Variants in DPYD observed in about 807,000 individuals in gnomAD.
The protein encoded by DPYD is dihydropyrimidine dehydrogenase [NADP(+)].
In DPYD, 109 loss-of-function variants were observed where a neutral mutation model predicts 116.2. The ratio of observed to expected loss-of-function variants is 0.94; its 90% confidence interval spans 0.80 to 1.10. The LOEUF is 1.10. Ranked by LOEUF, DPYD falls within the 50% of genes least tolerant of loss-of-function variation. The pLI is 0.00. For missense variants in DPYD, 1,302 were observed against 1,254.5 expected (o/e 1.04, Z -0.57); for synonymous variants, 440 against 432.0 (o/e 1.02, Z -0.23).
At chr1:97,173,317 C>T (rs376170185) in intron 20 of DPYD, among the ~76,000 whole-genome samples, 15 of 142,774 alleles carry the variant, frequency 1.1e-4, no homozygotes, top group Non-Finnish European at 1.8e-4. Flanking sequence ...TATATGCACA[C>T]ATATATACAC....
At chr1:97,138,563 T>C (rs1466703870) in intron 20 of DPYD, among the ~76,000 whole-genome samples, 1 of 152,180 alleles carries the variant, frequency 6.6e-6, no homozygotes, top group Non-Finnish European at 1.5e-5. Flanking sequence ...AGTTGTGTTG[T>C]GGGCTGCTTT....
intron 3 of DPYD, among the ~76,000 whole-genome samples, chr1:97,779,935 G>A (rs999094053): frequency 1.9e-4 from 29 of 151,962 alleles, no homozygotes; most frequent in African/African-American, 6.3e-4. Context: ...CATAAGTTGT[G>A]ACAAAAAATA....
intron 10 of DPYD, among the ~76,000 whole-genome samples, chr1:97,591,840 T>C (rs950249656): frequency 1.3e-5 from 2 of 151,360 alleles, no homozygotes; most frequent in Non-Finnish European, 2.9e-5. Context: ...TTTCTTTCTA[T>C]GTGTAAAAAA....
chr1:97,844,926 C>A (rs955073615), intron 2 of DPYD, among the ~76,000 whole-genome samples: 2 of 152,246 alleles, frequency 1.3e-5, no homozygotes, highest in African/African-American at 4.8e-5. Flanking sequence ...GGTGCTGTCG[C>A]AACCTGGCTG....
chr1:97,315,012 G>C lies in DPYD; in HGVS notation c.2059-8715C>G, dbSNP rs1036646035. On this transcript the variant is annotated intron_variant, in intron 16 of 22. Transcript: ENST00000370192. ...AGGGCTCAGACCCTGCATGGTAGAG[G>C]GGGCTCTGCAATTTAAAGGGTTAAC... is the stretch of plus-strand genomic sequence containing the variant. Among the ~76,000 whole-genome samples, 5 of 151,958 alleles carry C rather than the reference G, an allele frequency of 3.3e-5. No homozygotes were observed. In the South Asian group the frequency reaches 1.0e-3, roughly 31 times the overall value.
chr1:97,154,173 A>C (rs1350184314), intron 20 of DPYD, among the ~76,000 whole-genome samples: 1 of 152,206 alleles, frequency 6.6e-6, no homozygotes, highest in Non-Finnish European at 1.5e-5. Context: ...AGAAGTCATC[A>C]TACGAAAAAG....
chr1:97,583,377 TACATATGATG>T (rs1268169604), intron 10 of DPYD, among the ~76,000 whole-genome samples: 2 of 152,186 alleles, frequency 1.3e-5, no homozygotes, highest in African/African-American at 4.8e-5. Context: ...GCAGGTTAGT[TACATATGATG>T]ACGTTTTCTT....
chr1:97,204,416 T>C (rs1224634974), intron 19 of DPYD, among the ~76,000 whole-genome samples: 3 of 152,096 alleles, frequency 2.0e-5, no homozygotes, highest in Non-Finnish European at 4.4e-5. Flanking sequence ...GACAAACAAA[T>C]GCAATGTCCA....
At chr1:97,750,508 T>C (rs1372890018) in intron 3 of DPYD, among the ~76,000 whole-genome samples, 4 of 152,194 alleles carry the variant, frequency 2.6e-5, no homozygotes, top group Non-Finnish European at 4.4e-5. Flanking sequence ...AATAAGTAAG[T>C]ATAACTTACG....
intron 12 of DPYD, among the ~76,000 whole-genome samples, chr1:97,524,020 TA>T (rs546183481): frequency 7.9e-4 from 112 of 142,532 alleles, no homozygotes; most frequent in South Asian, 1.6e-3. Flanking sequence ...TATTTTAAAC[TA>T]AAAAAAAAAA....
At chr1:97,166,836 C>T (rs1322134442) in intron 20 of DPYD, among the ~76,000 whole-genome samples, 1 of 152,038 alleles carries the variant, frequency 6.6e-6, no homozygotes. Context: ...GCCAAACTTG[C>T]CAGATGGCCC....
intron 19 of DPYD, among the ~76,000 whole-genome samples, chr1:97,223,651 C>T (rs551635592): frequency 6.6e-6 from 1 of 152,004 alleles, no homozygotes; most frequent in South Asian, 2.1e-4. Flanking sequence ...TGAAACCTAT[C>T]ACTGAAAGCA....
intron 12 of DPYD, among the ~76,000 whole-genome samples, chr1:97,526,963 G>A: frequency 6.6e-6 from 1 of 152,122 alleles, no homozygotes; most frequent in Non-Finnish European, 1.5e-5. Flanking sequence ...TTGAAGATGA[G>A]GAAAGTGAGG....
chr1:97,114,828 T>C (rs1356132267), intron 20 of DPYD, among the ~76,000 whole-genome samples: 16 of 152,172 alleles, frequency 1.1e-4, no homozygotes, highest in Non-Finnish European at 1.5e-5. Context: ...GATGAAACTG[T>C]ATATGTGAAT....
intron 2 of DPYD, among the ~76,000 whole-genome samples, chr1:97,837,268 G>A (rs1000675744): frequency 6.6e-6 from 1 of 151,988 alleles, no homozygotes. Context: ...CTCCATAAAC[G>A]GGTGTCTTAT....
chr1:97,139,081 C>A (rs993653777), intron 20 of DPYD, among the ~76,000 whole-genome samples: 2 of 152,090 alleles, frequency 1.3e-5, no homozygotes, highest in African/African-American at 4.8e-5. Flanking sequence ...TTGGATATTT[C>A]TTTTTTAAGT....
At chr1:97,793,896 C>G (rs1175205560) in intron 3 of DPYD, among the ~76,000 whole-genome samples, 1 of 152,028 alleles carries the variant, frequency 6.6e-6, no homozygotes, top group Non-Finnish European at 1.5e-5. Context: ...AATTTCTGTT[C>G]TTTAAAACAC....
At chr1:97,771,640 G>C (rs984416979) in intron 3 of DPYD, among the ~76,000 whole-genome samples, 33 of 152,158 alleles carry the variant, frequency 2.2e-4, no homozygotes, top group Non-Finnish European at 4.6e-4. Context: ...ATTCAAAACA[G>C]CTAGATGAAT....
chr1:97,287,741 G>C (rs2100966802), intron 18 of DPYD, among the ~76,000 whole-genome samples: 1 of 152,248 alleles, frequency 6.6e-6, no homozygotes, highest in African/African-American at 2.4e-5. Flanking sequence ...GCCAGGTGCA[G>C]GATATAATCT....
Sources: allele counts gnomAD v4.1 joint callset (sites outside exome capture counted in the v4.1 genomes callset), GRCh38; gene constraint gnomAD v4.1.1; transcripts MANE v1.5; gene names NCBI Gene and HGNC (gene_info 2026-07-23, HGNC 2026-07-21).